BECN1: variants seen among roughly 807,000 people sequenced by gnomAD.
BECN1 encodes the protein beclin 1.
A neutral mutation model predicts 60.1 loss-of-function variants in BECN1; 15 were observed. The ratio of observed to expected loss-of-function variants is 0.25; its 90% CI spans 0.17 to 0.38. The LOEUF (loss-of-function observed/expected upper bound fraction) is 0.38. BECN1 is among the 10% of genes least tolerant of loss of function. The probability of loss-of-function intolerance (pLI) is 1.00; values close to 1 mark genes in which losing one functional copy is unlikely to be tolerated. For missense variants in BECN1, 424 were observed against 548.2 expected (o/e 0.77, Z 2.26); for synonymous variants, 179 against 201.8 (o/e 0.89, Z 0.96).
At chr17:42,815,764 A>G (rs1287043807) in intron 8 of BECN1, 144 bp downstream of exon 8, 1 of 1,058,996 alleles carries the variant, frequency 9.4e-7, no homozygotes, top group African/African-American at 1.6e-5. Flanking sequence ...TACTGTGCCT[A>G]TCCCATCACT....
intron 11 of BECN1, 37 bp from the exon 12 acceptor site, chr17:42,810,965 G>A (rs368837170): frequency 6.5e-7 from 1 of 1,527,810 alleles, no homozygotes; most frequent in East Asian, 2.4e-5. Flanking sequence ...TAGTAACTGA[G>A]ATCTGAGTTA....
At chr17:42,823,692 C>A in intron 2 of BECN1, 56 bp downstream of exon 2, 2 of 1,589,728 alleles carry the variant, frequency 1.3e-6, no homozygotes, top group Non-Finnish European at 1.7e-6. Context: ...ATTATATCAC[C>A]AAAGCTGCCC....
At chr17:42,813,058 A>C (rs1446900646) in intron 10 of BECN1, among the ~76,000 whole-genome samples, 1 of 142,998 alleles carries the variant, frequency 7.0e-6, no homozygotes, top group African/African-American at 2.6e-5. Context: ...GTTAGCCAGG[A>C]TGGTCTCAAT....
intron 4 of BECN1, chr17:42,819,241 TAAC>T (rs1018603196): frequency 4.9e-5 from 23 of 466,150 alleles, no homozygotes; most frequent in Non-Finnish European, 7.9e-5. Context: ...CCTGAACATC[TAAC>T]AACATTTGCT....
At chr17:42,822,429 C>T (rs1361249730) in intron 2 of BECN1, among the ~76,000 whole-genome samples, 1 of 152,184 alleles carries the variant, frequency 6.6e-6, no homozygotes, top group East Asian at 1.9e-4. Flanking sequence ...AGTTGTTCAG[C>T]TAGTAAATGA....
At chr17:42,819,349 C>G (rs2055212716) in intron 4 of BECN1, 199 bp downstream of exon 4, 1 of 578,114 alleles carries the variant, frequency 1.7e-6, no homozygotes, top group East Asian at 2.9e-5. Context: ...CTATCCTTTC[C>G]CACTCTGTGA....
At chr17:42,823,940 G>A in intron 1 of BECN1, 61 bp from the exon 2 acceptor site, 1 of 1,579,228 alleles carries the variant, frequency 6.3e-7, no homozygotes, top group Non-Finnish European at 8.6e-7. Context: ...TCCGGCCCGG[G>A]GTTACCACAT....
At position 42,811,771 on chromosome 17, in the gene BECN1, C is replaced by A. The variant is rs1217120361; in HGVS notation, c.1068G>T (p.Gly356=). ...ACTTGTTGTCCCAGAAAAACCGCAA[C>A]CCCCCAGAACAGTATAACGGCAGCT... is the stretch of plus-strand genomic sequence containing the variant. ...SKELPLYCSG[G]LRFFWDNKFD... is the part of the protein sequence containing the mutation. Residue 356 remains glycine, a synonymous_variant, in exon 11 of 12, where the codon GGG becomes GGT. Coordinates refer to ENST00000590099, the MANE Select transcript of BECN1 (RefSeq NM_001313998.2). The A allele has an allele frequency of 1.9e-6, 3 of 1,613,970 alleles. No homozygotes were observed. The highest frequency in any genetic ancestry group is 4.5e-5 in the East Asian group (2 of 44,900).
Position 42,823,620 on chromosome 17 carries a change from A to G in BECN1, c.130+128T>C, listed in dbSNP as rs1001904751. On this transcript the variant is annotated intron_variant, in intron 2 of 11. Transcript: ENST00000590099. ...TTCCAAGGAGAAAACAGGGAGCCAG[A>G]TGAAGTGACTTTCCTAGGTTCACAC... 13 of 1,317,114 alleles carry G rather than the reference A, an allele frequency of 9.9e-6. No individual in the cohort carries two copies. The African/African-American group carries it at 1.0e-4, about 11-fold the overall frequency. 81.6% of individuals were successfully genotyped at this position (1,317,114 alleles called of 1,614,324 possible). A position where few individuals can be genotyped will look rare whatever the true frequency, so the allele number is the denominator to read the frequency against.
In BECN1 at chr17:42,811,766, C is replaced by T. The variant is rs2055012504; in HGVS notation, c.1073G>A (p.Arg358Gln). ...GTCAAACTTGTTGTCCCAGAAAAAC[C>T]GCAACCCCCCAGAACAGTATAACGG... Reference protein sequence around the residue: ...ELPLYCSGGLRFFWDNKFDHA... With the variant: ...ELPLYCSGGLQFFWDNKFDHA... Residue 358 changes from arginine (R) to glutamine (Q), a missense_variant, in exon 11 of 12, where the codon CGG becomes CAG. By Grantham distance (43) the Arg-to-Gln change is conservative. Transcript: ENST00000590099. The T allele has an allele frequency of 5.0e-6, 8 of 1,613,942 alleles. No homozygotes were observed. The highest frequency in any genetic ancestry group is 5.9e-6 in the Non-Finnish European group (7 of 1,180,014).
chr17:42,824,118 C>G (rs1053685402), intron 1 of BECN1, 37 bp downstream of exon 1: 2 of 509,960 alleles, frequency 3.9e-6, no homozygotes, highest in Non-Finnish European at 6.9e-6. Context: ...CCCAGACTCC[C>G]TTCTAAGGTC....
In BECN1 at chr17:42,811,770, A is replaced by G. The variant is rs775584638; in HGVS notation, c.1069T>C (p.Leu357=). 4.3e-6 allele frequency: 7 copies of G among 1,613,864 alleles called. No individual in the cohort carries two copies. The highest frequency in any genetic ancestry group is 1.3e-5 in the African/African-American group (1 of 74,840). Residue 357 remains leucine, a synonymous_variant, in exon 11 of 12, where the codon TTG becomes CTG. Coordinates refer to ENST00000590099, the MANE Select transcript of BECN1 (RefSeq NM_001313998.2). ...AACTTGTTGTCCCAGAAAAACCGCA[A>G]CCCCCCAGAACAGTATAACGGCAGC... is the stretch of plus-strand genomic sequence containing the variant. ...KELPLYCSGG[L]RFFWDNKFDH...
At position 42,818,272 on chromosome 17, in the gene BECN1, T is replaced by C. The variant is rs777173146; in HGVS notation, c.632A>G (p.Asn211Ser). The stretch of plus-strand genomic sequence containing the variant: ...AGCCTCAGCCTGGACCTTCTCGAGA[T>C]TTTCTGCCACTATCTTGCGGTTCTT... ...VEKNRKIVAE[N>S]LEKVQAEAER... Residue 211 changes from asparagine (N) to serine (S), a missense_variant, in exon 7 of 12, where the codon AAT becomes AGT. Around this residue, in one of 3 missense-constraint regions of BECN1, gnomAD observed 326 missense variants for 406.2 expected, o/e 0.80. Coordinates refer to ENST00000590099, the MANE Select transcript of BECN1 (RefSeq NM_001313998.2). 1.2e-6 allele frequency: 2 copies of C among 1,614,194 alleles called. No individual in the cohort carries two copies. The highest frequency in any genetic ancestry group is 1.7e-5 in the Admixed American group (1 of 60,022).
chr17:42,811,750 G>C lies in BECN1; in HGVS notation c.1089C>G (p.Asn363Lys). The change falls in exon 11 of 12, where the codon AAC (asparagine) becomes AAG (lysine). Residue 363 changes from asparagine (N) to lysine (K), a missense_variant. Asn to Lys is a moderately conservative substitution (Grantham distance 94, BLOSUM62 0). Around this residue, in one of 3 missense-constraint regions of BECN1, gnomAD observed 326 missense variants for 406.2 expected, o/e 0.80. Coordinates refer to ENST00000590099, the MANE Select transcript of BECN1 (RefSeq NM_001313998.2). ...AAGCCACCATTGCATGGTCAAACTT[G>C]TTGTCCCAGAAAAACCGCAACCCCC... ...CSGGLRFFWDNKFDHAMVAFL... is the reference protein window; with the variant it reads ...CSGGLRFFWDKKFDHAMVAFL... 6.2e-7 allele frequency: 1 copy of C among 1,614,108 alleles called. No individual in the cohort carries two copies. Among genetic ancestry groups the C allele is most frequent in the Non-Finnish European group, 8.5e-7 (1 of 1,180,016 alleles).
chr17:42,823,610 A>T (rs2055319649), intron 2 of BECN1, 138 bp downstream of exon 2: 13 of 1,246,322 alleles, frequency 1.0e-5, no homozygotes, highest in Non-Finnish European at 1.2e-5. Context: ...AGGAGAAAAC[A>T]GGGAGCCAGA....
chr17:42,815,314 A>C (rs962465123), intron 8 of BECN1, among the ~76,000 whole-genome samples: 3 of 151,812 alleles, frequency 2.0e-5, no homozygotes, highest in Non-Finnish European at 4.4e-5. Context: ...CTTTGCACAT[A>C]ATGTTCTCTC....
chr17:42,811,365 C>T (rs1731631971), intron 11 of BECN1: 1 of 333,896 alleles, frequency 3.0e-6, no homozygotes, highest in Non-Finnish European at 5.4e-6. Flanking sequence ...CTGTGTATTT[C>T]CAAGGGCTTC....
chr17:42,818,096 C>T (rs2055181727), intron 7 of BECN1, 125 bp downstream of exon 7: 2 of 1,004,478 alleles, frequency 2.0e-6, no homozygotes, highest in Non-Finnish European at 2.9e-6. Context: ...TATGCAGGAT[C>T]TGGGGCAGGC....
At chr17:42,813,353 T>C (rs1406089722) in intron 10 of BECN1, among the ~76,000 whole-genome samples, 5 of 151,642 alleles carry the variant, frequency 3.3e-5, no homozygotes, top group Admixed American at 3.3e-4. Flanking sequence ...TGGTCCAACA[T>C]GGTAAAACCC....
Sources: gnomAD v4.1 joint callset for allele counts (sites outside exome capture counted in the v4.1 genomes callset) on GRCh38, gnomAD v4.1.1 for gene constraint, gnomAD v4.1.1 regional missense constraint, MANE v1.5 for transcripts, NCBI Gene and HGNC (gene_info 2026-07-23, HGNC 2026-07-21) for gene names.